Variants in GALNT13 observed in about 807,000 individuals in gnomAD.
GALNT13 encodes the protein UDP-GalNAc:polypeptide N-acetylgalactosaminyltransferase 13.
A neutral mutation model predicts 64.2 loss-of-function variants in GALNT13; 28 were observed. The ratio of observed to expected loss-of-function variants is 0.44; its 90% CI spans 0.32 to 0.60. The LOEUF is 0.60. Ranked by LOEUF, GALNT13 falls within the 20% of genes least tolerant of loss-of-function variation. GALNT13 has a pLI of 0.05. For synonymous variants in GALNT13, 214 were observed against 224.6 expected (o/e 0.95, Z 0.42); for missense variants, 577 against 669.8 (o/e 0.86, Z 1.53).
At chr2:153,299,827 T>G in the GALNT13 span, among the ~76,000 whole-genome samples, 1 of 152,224 alleles carries the variant, frequency 6.6e-6, no homozygotes, top group Non-Finnish European at 1.5e-5. Flanking sequence ...ATACCTGAAT[T>G]GTTCATTTTT....
the GALNT13 span, among the ~76,000 whole-genome samples, chr2:153,562,248 T>G: frequency 6.6e-6 from 1 of 152,114 alleles, no homozygotes; most frequent in Non-Finnish European, 1.5e-5. Context: ...TTTTTCCTAA[T>G]AGTTACTTTA....
the GALNT13 span, among the ~76,000 whole-genome samples, chr2:153,527,545 A>G: frequency 9.9e-5 from 15 of 152,186 alleles, no homozygotes; most frequent in Non-Finnish European, 2.1e-4. Context: ...TTTGATCAGA[A>G]AGAGAAGGAT....
At chr2:153,806,021 A>G in the GALNT13 span, among the ~76,000 whole-genome samples, 18 of 152,158 alleles carry the variant, frequency 1.2e-4, no homozygotes, top group Admixed American at 7.2e-4. Flanking sequence ...CTTTCCTACC[A>G]AAGAGCCTAG....
the GALNT13 span, among the ~76,000 whole-genome samples, chr2:153,412,908 A>G: frequency 2.0e-5 from 3 of 152,192 alleles, no homozygotes; most frequent in East Asian, 1.9e-4. Context: ...GTCAGGGCCT[A>G]AGCAGAAATC....
At chr2:153,079,593 G>T in the GALNT13 span, among the ~76,000 whole-genome samples, 1 of 152,004 alleles carries the variant, frequency 6.6e-6, no homozygotes, top group Non-Finnish European at 1.5e-5. Context: ...AAATCAGGAC[G>T]GCTTATGTTT....
chr2:153,265,418 G>A, the GALNT13 span, among the ~76,000 whole-genome samples: 1 of 152,176 alleles, frequency 6.6e-6, no homozygotes, highest in Non-Finnish European at 1.5e-5. Context: ...AACCAGCTGA[G>A]TTCTGCCTGT....
At chr2:153,197,975 T>C in the GALNT13 span, among the ~76,000 whole-genome samples, 2 of 152,196 alleles carry the variant, frequency 1.3e-5, no homozygotes, top group South Asian at 4.1e-4. Context: ...GCAGCATCCC[T>C]GGTACACTGT....
chr2:153,726,964 A>C, the GALNT13 span, among the ~76,000 whole-genome samples: 1 of 151,830 alleles, frequency 6.6e-6, no homozygotes, highest in Non-Finnish European at 1.5e-5. Context: ...AAACAAAAAA[A>C]AAACCACACA....
the GALNT13 span, among the ~76,000 whole-genome samples, chr2:153,295,372 C>T: frequency 1.3e-5 from 2 of 152,206 alleles, no homozygotes; most frequent in South Asian, 2.1e-4. Context: ...GATGTTAAAT[C>T]GTTTATCTCA....
At chr2:154,098,732 A>G (rs1702197460) in intron 3 of GALNT13, among the ~76,000 whole-genome samples, 1 of 151,948 alleles carries the variant, frequency 6.6e-6, no homozygotes, top group South Asian at 2.1e-4. Context: ...ATTTCCATCC[A>G]TGTTGCTGCA....
the GALNT13 span, among the ~76,000 whole-genome samples, chr2:153,222,601 G>A: frequency 6.6e-6 from 1 of 152,138 alleles, no homozygotes; most frequent in South Asian, 2.1e-4. Context: ...CTGCGCCCAG[G>A]CTGTTCCTGC....
At chr2:153,093,223 CTTTTTTTCTTTTCTTTTCTT>C in the GALNT13 span, among the ~76,000 whole-genome samples, 2 of 133,422 alleles carry the variant, frequency 1.5e-5, no homozygotes, top group African/African-American at 5.3e-5. Context: ...AAGGATCTTT[CTTTTTTTCTTTTCTTTTCTT>C]TTTTTTTTTT....
At chr2:153,704,897 A>G in the GALNT13 span, among the ~76,000 whole-genome samples, 3 of 152,322 alleles carry the variant, frequency 2.0e-5, no homozygotes, top group African/African-American at 2.4e-5. Context: ...ACTGACCTCA[A>G]GTAAGTTCTT....
At chr2:153,948,034 G>T (rs1691897604) in intron 3 of GALNT13, among the ~76,000 whole-genome samples, 1 of 151,876 alleles carries the variant, frequency 6.6e-6, no homozygotes, top group Non-Finnish European at 1.5e-5. Flanking sequence ...TGTTCCATTG[G>T]TCTATATGTC....
At chr2:154,145,066 C>A (rs576876705) in intron 4 of GALNT13, among the ~76,000 whole-genome samples, 1,340 of 104,602 alleles carry the variant, frequency 0.013, 13 homozygotes, top group Middle Eastern at 0.034. Context: ...CTCTCTCTCT[C>A]TCTCTCTATC....
intron 3 of GALNT13, among the ~76,000 whole-genome samples, chr2:154,036,206 T>C (rs1422141895): frequency 6.6e-6 from 1 of 152,052 alleles, no homozygotes; most frequent in East Asian, 1.9e-4. Flanking sequence ...CTAGAGGACT[T>C]CTTAAATCAT....
chr2:153,746,840 T>A, the GALNT13 span, among the ~76,000 whole-genome samples: 1 of 152,212 alleles, frequency 6.6e-6, no homozygotes. Context: ...TAATGGCTGA[T>A]GAAGCTGAAC....
the GALNT13 span, among the ~76,000 whole-genome samples, chr2:153,304,709 C>T: frequency 6.6e-6 from 1 of 152,084 alleles, no homozygotes; most frequent in Non-Finnish European, 1.5e-5. Context: ...TCACTCATTT[C>T]CCAGCTGGGC....
intron 3 of GALNT13, among the ~76,000 whole-genome samples, chr2:154,104,727 T>C (rs1031263295): frequency 4.6e-5 from 7 of 152,240 alleles, no homozygotes; most frequent in Non-Finnish European, 1.0e-4. Context: ...CGGGACCTAC[T>C]AGTCCCTGTG....
Sources: gnomAD v4.1 joint callset for allele counts (sites outside exome capture counted in the v4.1 genomes callset) on GRCh38, gnomAD v4.1.1 for gene constraint, MANE v1.5 for transcripts, NCBI Gene and HGNC (gene_info 2026-07-23, HGNC 2026-07-21) for gene names.